SORCS2: variants seen among roughly 807,000 people sequenced by gnomAD.
SORCS2 encodes the protein VPS10 domain-containing receptor SorCS2.
In SORCS2, 100 loss-of-function variants were observed where a neutral mutation model predicts 141.6. The ratio of observed to expected loss-of-function variants is 0.71; its 90% CI spans 0.60 to 0.83. The LOEUF is 0.83. SORCS2 is among the 40% of genes least tolerant of loss of function. The pLI, the probability that SORCS2 is intolerant of heterozygous loss-of-function variation, is 0.00. For missense variants in SORCS2, 1,646 were observed against 1,560.2 expected, an observed-to-expected ratio of 1.05 and a Z score of -0.93; for synonymous variants, 789 against 676.9, an observed-to-expected ratio of 1.17 and a Z score of -2.57.
At chr4:7,639,741 C>A (rs1215789420) in intron 4 of SORCS2, among the ~76,000 whole-genome samples, 1 of 139,242 alleles carries the variant, frequency 7.2e-6, no homozygotes, top group African/African-American at 2.7e-5. Context: ...GGGTGTGAGA[C>A]TGTGAATGTA....
rs980537249 is a variant in SORCS2 at position 7,503,836 on chromosome 4, C to A, written c.549-27694C>A. 3.9e-5 allele frequency among the ~76,000 whole-genome samples: 6 copies of A among 152,208 alleles called. 1 individual carries two copies. The highest frequency in any genetic ancestry group is 8.8e-5 in the Non-Finnish European group (6 of 68,034). ...TATCACATTTCAATCTTTCTCGTTGCAAACTTCACCAAGAACCACAGGCTA... is the reference window on the plus strand; with the variant it reads ...TATCACATTTCAATCTTTCTCGTTGAAAACTTCACCAAGAACCACAGGCTA... On this transcript the variant is annotated intron_variant, in intron 2 of 26. Transcript: ENST00000507866.
At chr4:7,466,845 G>T (rs1249353546) in intron 2 of SORCS2, among the ~76,000 whole-genome samples, 1 of 152,200 alleles carries the variant, frequency 6.6e-6, no homozygotes, top group Admixed American at 6.5e-5. Context: ...CCTGGAACCT[G>T]GTTGGACGCT....
chr4:7,396,109 G>C (rs1324213049), intron 1 of SORCS2, among the ~76,000 whole-genome samples, 179 bp from the exon 2 acceptor site: 1 of 152,212 alleles, frequency 6.6e-6, no homozygotes, highest in Admixed American at 6.5e-5. Flanking sequence ...ATAAGCCCAC[G>C]TCTAAGGGCT....
intron 3 of SORCS2, among the ~76,000 whole-genome samples, chr4:7,575,004 G>C (rs1444090979): frequency 6.6e-6 from 1 of 152,252 alleles, no homozygotes; most frequent in African/African-American, 2.4e-5. Context: ...GAAGGGGACA[G>C]AGAGATATCT....
intron 1 of SORCS2, among the ~76,000 whole-genome samples, chr4:7,220,335 C>A (rs979439831): frequency 6.6e-6 from 1 of 152,072 alleles, no homozygotes; most frequent in African/African-American, 2.4e-5. Context: ...TGAGCTCCTG[C>A]CGCTGAGTGT....
intron 3 of SORCS2, among the ~76,000 whole-genome samples, chr4:7,570,030 G>T (rs1264695775): frequency 2.0e-5 from 3 of 152,182 alleles, no homozygotes; most frequent in Non-Finnish European, 4.4e-5. Flanking sequence ...TTCAAGGGGA[G>T]GAGATGCAAT....
chr4:7,650,017 A>T lies in SORCS2; in HGVS notation c.814-4117A>T, dbSNP rs114828388. Among the ~76,000 whole-genome samples, 507 of 152,324 alleles carry T rather than the reference A, an allele frequency of 3.3e-3. 2 individuals carry two copies. The highest frequency in any genetic ancestry group is 0.012 in the African/African-American group (484 of 41,564). ...AATGATGTGCCCGTTATGCAGATGAAGAATTTGGGTTGAGTGGTCGGCTTG... is the reference window on the plus strand; with the variant it reads ...AATGATGTGCCCGTTATGCAGATGATGAATTTGGGTTGAGTGGTCGGCTTG... On this transcript the variant is annotated intron_variant, in intron 4 of 26. Transcript: ENST00000507866.
rs1560356395 is a variant in SORCS2 at position 7,525,901 on chromosome 4, C to CAGTCACCTGT, written c.549-5629_549-5628insAGTCACCTGT. On this transcript the variant is annotated intron_variant, in intron 2 of 26. Coordinates refer to ENST00000507866, the MANE Select transcript of SORCS2 (RefSeq NM_020777.3). ...CTGTCCCCTCCTCAGTCACCTGTCT[C>CAGTCACCTGT]CTCCTGCAGTCACCTGTCCCCTCCT... is the stretch of plus-strand genomic sequence containing the variant. Among the ~76,000 whole-genome samples, 58 of 140,454 alleles carry CAGTCACCTGT rather than the reference C, an allele frequency of 4.1e-4. 1 individual carries two copies. The highest frequency in any genetic ancestry group is 1.6e-3 in the African/African-American group (58 of 36,590). 92.1% of individuals were successfully genotyped at this position (140,454 alleles called of 152,430 possible). A position where few individuals can be genotyped will look rare whatever the true frequency, so the allele number is the denominator to read the frequency against.
chr4:7,386,400 CAT>C (rs1424393105), intron 1 of SORCS2, among the ~76,000 whole-genome samples: 3 of 120,448 alleles, frequency 2.5e-5, no homozygotes, highest in African/African-American at 6.7e-5. Context: ...TGGACATACA[CAT>C]ATGTACACAC....
chr4:7,421,609 C>T (rs1560270370), intron 2 of SORCS2, among the ~76,000 whole-genome samples: 1 of 147,332 alleles, frequency 6.8e-6, no homozygotes, highest in Non-Finnish European at 1.5e-5. Flanking sequence ...GAGGTTCTTG[C>T]CCCCCATAAC....
At chr4:7,646,620 ACT>A (rs1721096135) in intron 4 of SORCS2, among the ~76,000 whole-genome samples, 1 of 152,010 alleles carries the variant, frequency 6.6e-6, no homozygotes. Context: ...ATGGAGCAAG[ACT>A]CTGTTTCAAA....
chr4:7,374,128 CCTCTTTCTTTCTT>C (rs1722462374), intron 1 of SORCS2, among the ~76,000 whole-genome samples: 1 of 12,786 alleles, frequency 7.8e-5, no homozygotes, highest in African/African-American at 2.6e-4. Flanking sequence ...TCTTTCTTTC[CCTCTTTCTTTCTT>C]TCTTTCTTTC....
At chr4:7,421,068 G>A (rs1050438977) in intron 2 of SORCS2, among the ~76,000 whole-genome samples, 1 of 152,114 alleles carries the variant, frequency 6.6e-6, no homozygotes, top group Non-Finnish European at 1.5e-5. Context: ...TTCTCTCTTG[G>A]GTGCTCAGGG....
intron 1 of SORCS2, among the ~76,000 whole-genome samples, chr4:7,226,460 G>C (rs564453190): frequency 1.4e-4 from 22 of 152,306 alleles, no homozygotes; most frequent in Non-Finnish European, 1.2e-4. Flanking sequence ...GTTTGCTCGA[G>C]GGTTAAGTCC....
intron 1 of SORCS2, among the ~76,000 whole-genome samples, chr4:7,197,596 A>G (rs1250777316): frequency 1.3e-5 from 2 of 152,190 alleles, no homozygotes; most frequent in Non-Finnish European, 2.9e-5. Flanking sequence ...ATTCCAGAAA[A>G]CAACATTCCA....
At chr4:7,216,517 T>C (rs978506868) in intron 1 of SORCS2, among the ~76,000 whole-genome samples, 53 of 152,170 alleles carry the variant, frequency 3.5e-4, no homozygotes, top group African/African-American at 1.1e-3. Context: ...AAGGTCAAGG[T>C]GTCAGTGGGA....
chr4:7,223,116 G>A (rs770015949), intron 1 of SORCS2, among the ~76,000 whole-genome samples: 2 of 152,134 alleles, frequency 1.3e-5, no homozygotes, highest in African/African-American at 4.8e-5. Context: ...ACCCAGACTC[G>A]TGTTCTGATG....
chr4:7,374,890 C>T (rs987704901), intron 1 of SORCS2, among the ~76,000 whole-genome samples: 1 of 152,178 alleles, frequency 6.6e-6, no homozygotes, highest in Non-Finnish European at 1.5e-5. Flanking sequence ...TCTGCATGGG[C>T]TTGCGGGCAA....
intron 1 of SORCS2, among the ~76,000 whole-genome samples, chr4:7,345,326 A>T (rs944706669): frequency 1.3e-5 from 2 of 152,172 alleles, no homozygotes; most frequent in African/African-American, 4.8e-5. Flanking sequence ...ATTGGGTGTG[A>T]CTTCAGGACA....
Sources: allele counts gnomAD v4.1 joint callset (sites outside exome capture counted in the v4.1 genomes callset), GRCh38; gene constraint gnomAD v4.1.1; transcripts MANE v1.5; gene names NCBI Gene and HGNC (gene_info 2026-07-23, HGNC 2026-07-21).